Variants in JAZF1 observed in about 807,000 individuals in gnomAD.
JAZF1 encodes the protein JAZF zinc finger 1, also known as juxtaposed with another zinc finger protein 1.
Under a neutral mutation model 26.4 loss-of-function variants are expected in JAZF1, and 8 were observed. The observed-to-expected ratio is 0.30, with a 90% confidence interval of 0.18 to 0.55. JAZF1 has a LOEUF of 0.55. JAZF1 is among the 20% of genes least tolerant of loss of function. The probability of loss-of-function intolerance (pLI) is 0.94; values close to 1 mark genes in which losing one functional copy is unlikely to be tolerated. For missense variants in JAZF1, 199 were observed against 322.0 expected (o/e 0.62, Z 2.92); for synonymous variants, 126 against 122.3 (o/e 1.03, Z -0.20).
At chr7:27,931,950 A>T (rs1784694578) in intron 2 of JAZF1, among the ~76,000 whole-genome samples, 2 of 152,170 alleles carry the variant, frequency 1.3e-5, no homozygotes, top group Non-Finnish European at 2.9e-5. Flanking sequence ...AAATTAAAAA[A>T]ATCAGGTTTG....
intron 1 of JAZF1, among the ~76,000 whole-genome samples, chr7:28,039,490 G>T (rs566375949): frequency 6.6e-6 from 1 of 152,186 alleles, no homozygotes; most frequent in African/African-American, 2.4e-5. Flanking sequence ...TGCCTCCCCT[G>T]CCCCATGCAA....
At chr7:27,942,155 G>A (rs1406558642) in intron 2 of JAZF1, among the ~76,000 whole-genome samples, 4 of 152,210 alleles carry the variant, frequency 2.6e-5, no homozygotes, top group African/African-American at 9.7e-5. Flanking sequence ...CTTCCCATTT[G>A]CCTTTTCCTT....
chr7:28,175,348 C>T (rs992096894), intron 1 of JAZF1, among the ~76,000 whole-genome samples: 6 of 152,218 alleles, frequency 3.9e-5, no homozygotes, highest in African/African-American at 1.4e-4. Context: ...TAGGTGGATA[C>T]AACCCATGTT....
At chr7:27,925,893 T>C (rs1784595773) in intron 2 of JAZF1, among the ~76,000 whole-genome samples, 1 of 152,258 alleles carries the variant, frequency 6.6e-6, no homozygotes, top group African/African-American at 2.4e-5. Context: ...ACTTGAATGA[T>C]ACCTCCGTAG....
intron 1 of JAZF1, among the ~76,000 whole-genome samples, chr7:28,146,445 G>T (rs1406879958): frequency 6.6e-6 from 1 of 152,238 alleles, no homozygotes; most frequent in African/African-American, 2.4e-5. Flanking sequence ...TAACACAGGA[G>T]TGAATCTTCA....
rs1229934560 is a variant in JAZF1, at chr7:27,975,264, G to A, written c.188+16645C>T. ...AAGGGCAGGAGCAAGAGGAGGGGGA[G>A]GTACCACATGCTTTTAAACAACCAG... is the stretch of plus-strand genomic sequence containing the variant. On this transcript the variant is annotated intron_variant, in intron 2 of 4. Coordinates refer to ENST00000283928, the MANE Select transcript of JAZF1 (RefSeq NM_175061.4). Among the ~76,000 whole-genome samples, 4 of 152,040 alleles carry A rather than the reference G, an allele frequency of 2.6e-5. No individual in the cohort carries two copies. In the South Asian group the frequency reaches 6.2e-4, roughly 24 times the overall value.
rs143162477 is a variant in JAZF1, at chr7:28,139,113, C to A, written c.115+41350G>T. ...CAAATTTCCCGGTTGCCTGTAGTGA[C>A]CTTGGTTTAGATTTTGTCACAAAAC... On this transcript the variant is annotated intron_variant, in intron 1 of 4. Coordinates refer to ENST00000283928, the MANE Select transcript of JAZF1 (RefSeq NM_175061.4). Among the ~76,000 whole-genome samples the A allele has an allele frequency of 5.0e-4, 76 of 152,278 alleles. 2 individuals carry two copies. The East Asian group carries it at 0.012, about 24-fold the overall frequency.
At chr7:28,012,000 C>T (rs1312868538) in intron 1 of JAZF1, among the ~76,000 whole-genome samples, 2 of 152,176 alleles carry the variant, frequency 1.3e-5, no homozygotes, top group African/African-American at 4.8e-5. Flanking sequence ...TGCTAACAAC[C>T]ATATTCCAGG....
At chr7:27,893,222 C>A (rs1219767733) in intron 3 of JAZF1, among the ~76,000 whole-genome samples, 1 of 152,232 alleles carries the variant, frequency 6.6e-6, no homozygotes, top group Non-Finnish European at 1.5e-5. Flanking sequence ...CCCAAACTTA[C>A]TAGGAAATCC....
At chr7:28,082,251 G>A (rs1329989138) in intron 1 of JAZF1, among the ~76,000 whole-genome samples, 1 of 152,116 alleles carries the variant, frequency 6.6e-6, no homozygotes, top group African/African-American at 2.4e-5. Flanking sequence ...GCATGGGGGC[G>A]TGGGGAGGCG....
intron 1 of JAZF1, among the ~76,000 whole-genome samples, chr7:28,086,294 G>GAGCT (rs1784210993): frequency 6.6e-6 from 1 of 152,228 alleles, no homozygotes; most frequent in South Asian, 2.1e-4. Context: ...AGGTGCAGCT[G>GAGCT]AGCTGGGTAC....
chr7:27,998,814 A>G (rs1273474600), intron 1 of JAZF1, among the ~76,000 whole-genome samples: 1 of 152,244 alleles, frequency 6.6e-6, no homozygotes, highest in East Asian at 1.9e-4. Context: ...TGTTTGGACA[A>G]TGTTCCATAG....
intron 1 of JAZF1, among the ~76,000 whole-genome samples, chr7:28,117,727 CTA>C (rs1784769132): frequency 6.6e-6 from 1 of 152,104 alleles, no homozygotes; most frequent in Non-Finnish European, 1.5e-5. Context: ...TAAATACAAC[CTA>C]TGTTATTCAA....
chr7:27,924,392 C>T (rs1351348668), intron 2 of JAZF1, among the ~76,000 whole-genome samples: 1 of 152,094 alleles, frequency 6.6e-6, no homozygotes, highest in African/African-American at 2.4e-5. Flanking sequence ...CTTAATAGGC[C>T]CTTAAGGACA....
At chr7:28,094,242 A>G (rs1341399562) in intron 1 of JAZF1, among the ~76,000 whole-genome samples, 1 of 152,174 alleles carries the variant, frequency 6.6e-6, no homozygotes, top group East Asian at 1.9e-4. Context: ...CTAAAAGTAA[A>G]TCGTTGTCTG....
At chr7:28,130,833 C>A (rs1455433573) in intron 1 of JAZF1, among the ~76,000 whole-genome samples, 1 of 152,072 alleles carries the variant, frequency 6.6e-6, no homozygotes, top group Non-Finnish European at 1.5e-5. Context: ...TTCCTGAACA[C>A]AAGAGATTGG....
rs961772362 is a variant in JAZF1 at position 27,952,107 on chromosome 7, G to C, written c.188+39802C>G. ...GCAGTTCATGGCACTATAATAATGA[G>C]TTTGTGTTCACTTCCAGGGACATAA... On this transcript the variant is annotated intron_variant, in intron 2 of 4. Coordinates refer to ENST00000283928, the MANE Select transcript of JAZF1 (RefSeq NM_175061.4). Among the ~76,000 whole-genome samples the C allele has an allele frequency of 1.1e-4, 17 of 152,170 alleles. 1 individual carries two copies. Among genetic ancestry groups the C allele is most frequent in the African/African-American group, 3.9e-4 (16 of 41,446 alleles).
At chr7:28,008,061 T>TA (rs1270160750) in intron 1 of JAZF1, among the ~76,000 whole-genome samples, 1 of 152,100 alleles carries the variant, frequency 6.6e-6, no homozygotes, top group African/African-American at 2.4e-5. Flanking sequence ...TGACTGATCT[T>TA]AAAAAACACC....
chr7:28,004,458 C>T (rs1252003935), intron 1 of JAZF1, among the ~76,000 whole-genome samples: 1 of 151,646 alleles, frequency 6.6e-6, no homozygotes, highest in Non-Finnish European at 1.5e-5. Context: ...AATATGCAGT[C>T]AGGGTTGGCA....
Sources: allele counts gnomAD v4.1 joint callset (sites outside exome capture counted in the v4.1 genomes callset), GRCh38; gene constraint gnomAD v4.1.1; transcripts MANE v1.5; gene names NCBI Gene and HGNC (gene_info 2026-07-23, HGNC 2026-07-21).